The following MAF variants were observed in gnomAD, a reference collection of about 807,000 sequenced individuals.
The protein encoded by MAF is transcription factor Maf.
In MAF, 10 loss-of-function variants were observed where a neutral mutation model predicts 22.0. The ratio of observed to expected loss-of-function variants is 0.45; its 90% CI spans 0.28 to 0.77. The LOEUF (loss-of-function observed/expected upper bound fraction) is 0.77. MAF is among the 30% of genes least tolerant of loss of function. The pLI is 0.12. For synonymous variants in MAF, 337 were observed against 255.8 expected (o/e 1.32, Z -3.03); for missense variants, 544 against 548.4 (o/e 0.99, Z 0.08).
At chr16:79,207,039 T>G in the MAF span, among the ~76,000 whole-genome samples, 1 of 152,178 alleles carries the variant, frequency 6.6e-6, no homozygotes, top group African/African-American at 2.4e-5. Flanking sequence ...ACCTCTGCAC[T>G]GTTCTGGGAG....
At chr16:79,579,108 G>T in the MAF span, among the ~76,000 whole-genome samples, 1 of 152,050 alleles carries the variant, frequency 6.6e-6, no homozygotes, top group Non-Finnish European at 1.5e-5. Flanking sequence ...GAAAAAAAAA[G>T]TCTTCCAAGC....
chr16:79,545,160 T>C, the MAF span, among the ~76,000 whole-genome samples: 1 of 152,138 alleles, frequency 6.6e-6, no homozygotes, highest in Non-Finnish European at 1.5e-5. Flanking sequence ...GGTTCTAAAT[T>C]ATATCCTTAA....
the MAF span, among the ~76,000 whole-genome samples, chr16:79,544,411 G>C: frequency 2.0e-5 from 3 of 152,100 alleles, no homozygotes; most frequent in Non-Finnish European, 4.4e-5. Flanking sequence ...TGTAGAGATG[G>C]AGGTATTTTG....
At chr16:79,346,047 C>G in the MAF span, among the ~76,000 whole-genome samples, 3 of 151,606 alleles carry the variant, frequency 2.0e-5, no homozygotes, top group Admixed American at 2.0e-4. Context: ...TTTTTTTATA[C>G]TTTAAGTTCT....
At chr16:79,544,921 C>A in the MAF span, among the ~76,000 whole-genome samples, 1 of 152,078 alleles carries the variant, frequency 6.6e-6, no homozygotes, top group Non-Finnish European at 1.5e-5. Context: ...AGGGACTGAT[C>A]CTTAGACAGG....
the MAF span, among the ~76,000 whole-genome samples, chr16:79,294,141 G>C: frequency 5.9e-5 from 9 of 152,106 alleles, no homozygotes; most frequent in Non-Finnish European, 1.3e-4. Flanking sequence ...TGAATTCAGG[G>C]ACAAAGCAAC....
At chr16:79,237,729 T>C in the MAF span, among the ~76,000 whole-genome samples, 1 of 152,160 alleles carries the variant, frequency 6.6e-6, no homozygotes, top group Non-Finnish European at 1.5e-5. Flanking sequence ...TAGGCAGCTG[T>C]CCTGTGTATT....
the MAF span, among the ~76,000 whole-genome samples, chr16:79,213,733 G>A: frequency 6.6e-6 from 1 of 152,172 alleles, no homozygotes; most frequent in African/African-American, 2.4e-5. Context: ...AGACTATCCA[G>A]CCCCAGCTGT....
At chr16:79,266,756 A>G in the MAF span, among the ~76,000 whole-genome samples, 3 of 152,190 alleles carry the variant, frequency 2.0e-5, no homozygotes, top group Non-Finnish European at 4.4e-5. Context: ...TTTTTGAGCA[A>G]CTACTATGTG....
chr16:79,211,813 A>T, the MAF span: 1 of 1,613,918 alleles, frequency 6.2e-7, no homozygotes, highest in Non-Finnish European at 8.5e-7. Context: ...CTCAGAGCGG[A>T]TGGGCACACA....
chr16:79,301,167 G>C, the MAF span, among the ~76,000 whole-genome samples: 1 of 152,194 alleles, frequency 6.6e-6, no homozygotes, highest in Non-Finnish European at 1.5e-5. Flanking sequence ...CTCAGGAGAA[G>C]TGGCCCGCAG....
chr16:79,482,637 C>T, the MAF span, among the ~76,000 whole-genome samples: 3 of 152,126 alleles, frequency 2.0e-5, no homozygotes, highest in Non-Finnish European at 4.4e-5. Context: ...TTCCATGCAG[C>T]AGTGAAGCAC....
chr16:79,450,309 G>C, the MAF span, among the ~76,000 whole-genome samples: 3 of 152,140 alleles, frequency 2.0e-5, no homozygotes, highest in African/African-American at 7.2e-5. Context: ...TATTGGCTCT[G>C]CTTTTTAACG....
At chr16:79,234,866 G>T in the MAF span, among the ~76,000 whole-genome samples, 1 of 152,066 alleles carries the variant, frequency 6.6e-6, no homozygotes. Context: ...AGTGGGATAG[G>T]AGCAGACCCA....
At chr16:79,365,477 G>A in the MAF span, among the ~76,000 whole-genome samples, 21 of 152,310 alleles carry the variant, frequency 1.4e-4, no homozygotes, top group South Asian at 3.1e-3. Flanking sequence ...GTAAGCAACT[G>A]TTAAAGGAGT....
the MAF span, among the ~76,000 whole-genome samples, chr16:79,471,557 G>C: frequency 6.6e-6 from 1 of 152,198 alleles, no homozygotes; most frequent in Non-Finnish European, 1.5e-5. Context: ...CACACCTGTA[G>C]TTCCAGGTGC....
chr16:79,322,522 A>G, the MAF span, among the ~76,000 whole-genome samples: 2 of 152,194 alleles, frequency 1.3e-5, no homozygotes, highest in African/African-American at 4.8e-5. Context: ...GAACAAAACT[A>G]TATTAAATAC....
At chr16:79,467,566 G>T in the MAF span, among the ~76,000 whole-genome samples, 3 of 152,308 alleles carry the variant, frequency 2.0e-5, no homozygotes, top group East Asian at 1.9e-4. Flanking sequence ...TCCAGAGCTC[G>T]TGCCCTTAAC....
the MAF span, among the ~76,000 whole-genome samples, chr16:79,562,895 T>C: frequency 1.2e-4 from 18 of 152,102 alleles, no homozygotes; most frequent in African/African-American, 4.1e-4. Flanking sequence ...AGTAGATCTT[T>C]CCCTTCTTTT....
Sources: allele counts gnomAD v4.1 joint callset (sites outside exome capture counted in the v4.1 genomes callset), GRCh38; gene constraint gnomAD v4.1.1; transcripts MANE v1.5; gene names NCBI Gene and HGNC (gene_info 2026-07-23, HGNC 2026-07-21).